The following FOXP1 variants were observed in gnomAD, a reference collection of about 807,000 sequenced individuals.
FOXP1 encodes the protein forkhead box protein P1.
A neutral mutation model predicts 98.2 loss-of-function variants in FOXP1; 15 were observed. The ratio of observed to expected loss-of-function variants is 0.15; its 90% CI spans 0.10 to 0.24. FOXP1 has a LOEUF of 0.24. FOXP1 is among the 10% of genes least tolerant of loss of function. The pLI is 1.00. For missense variants in FOXP1, 633 were observed against 848.5 expected (o/e 0.75, Z 3.15); for synonymous variants, 371 against 314.5 (o/e 1.18, Z -1.90).
At chr3:71,488,043 T>C (rs1307331336) in intron 3 of FOXP1, among the ~76,000 whole-genome samples, 1 of 152,194 alleles carries the variant, frequency 6.6e-6, no homozygotes, top group East Asian at 1.9e-4. Flanking sequence ...GGTTCTTTCT[T>C]TGAAGATATG....
intron 3 of FOXP1, among the ~76,000 whole-genome samples, chr3:71,394,108 C>T (rs749126113): frequency 6.6e-6 from 1 of 152,132 alleles, no homozygotes; most frequent in Non-Finnish European, 1.5e-5. Flanking sequence ...CTAAAAGAGC[C>T]CCAATTTCCA....
intron 13 of FOXP1, among the ~76,000 whole-genome samples, chr3:70,989,874 C>T (rs1205258077): frequency 2.6e-5 from 4 of 152,128 alleles, no homozygotes; most frequent in Non-Finnish European, 5.9e-5. Flanking sequence ...AAATCCAAAT[C>T]CTGGGCATTT....
At chr3:71,487,038 G>C (rs1293997356) in intron 3 of FOXP1, among the ~76,000 whole-genome samples, 1 of 152,092 alleles carries the variant, frequency 6.6e-6, no homozygotes, top group South Asian at 2.1e-4. Context: ...CCCAGAGAGT[G>C]AAAGTCTGGG....
intron 2 of FOXP1, among the ~76,000 whole-genome samples, chr3:71,542,589 G>A (rs749795053): frequency 4.6e-5 from 7 of 152,226 alleles, no homozygotes; most frequent in Non-Finnish European, 8.8e-5. Flanking sequence ...CTGTTAAGCC[G>A]CACAGACGAC....
intron 6 of FOXP1, among the ~76,000 whole-genome samples, chr3:71,131,370 C>T (rs1021555302): frequency 4.3e-5 from 5 of 115,076 alleles, no homozygotes; most frequent in African/African-American, 1.7e-4. Flanking sequence ...GCTTGAAAAA[C>T]AGGAGGAAGA....
chr3:71,284,351 G>A (rs2071882982), intron 5 of FOXP1, among the ~76,000 whole-genome samples: 1 of 152,106 alleles, frequency 6.6e-6, no homozygotes, highest in Admixed American at 6.5e-5. Flanking sequence ...GATCACTTGA[G>A]CCCAAGAGTT....
intron 2 of FOXP1, among the ~76,000 whole-genome samples, chr3:71,570,069 A>G (rs1028199513): frequency 6.6e-6 from 1 of 151,938 alleles, no homozygotes; most frequent in Admixed American, 6.5e-5. Flanking sequence ...TTCATGGACA[A>G]AGGCGTGGCT....
intron 7 of FOXP1, among the ~76,000 whole-genome samples, chr3:71,097,006 C>T (rs1240620966): frequency 6.6e-6 from 1 of 152,188 alleles, no homozygotes; most frequent in Non-Finnish European, 1.5e-5. Flanking sequence ...ATGCCTCTTC[C>T]TCCAAGCTGA....
intron 4 of FOXP1, among the ~76,000 whole-genome samples, chr3:71,345,367 G>A (rs927030891): frequency 6.6e-6 from 1 of 150,986 alleles, no homozygotes; most frequent in Non-Finnish European, 1.5e-5. Context: ...CAGCCTCAGT[G>A]ACAGAGAGAG....
chr3:71,474,488 C>G (rs1051444678), intron 3 of FOXP1, among the ~76,000 whole-genome samples: 3 of 152,182 alleles, frequency 2.0e-5, no homozygotes, highest in Non-Finnish European at 4.4e-5. Context: ...GGCTGCACAG[C>G]AGGAGGTCAG....
intron 3 of FOXP1, among the ~76,000 whole-genome samples, chr3:71,380,165 A>G (rs1217133981): frequency 6.6e-6 from 1 of 152,216 alleles, no homozygotes; most frequent in Non-Finnish European, 1.5e-5. Context: ...CTATGTAAAT[A>G]AGACTTCCAG....
rs918870223 is a variant in FOXP1 at position 71,104,364 on chromosome 3, G to T, written c.282+8172C>A. Among the ~76,000 whole-genome samples the T allele has an allele frequency of 4.3e-4, 65 of 152,266 alleles. No individual in the cohort carries two copies. In the East Asian group the frequency reaches 5.6e-3, roughly 13 times the overall value. ...ATAGGCTTGATAGCAAGACCTCATTGTGGGATCACAGCCTATCCAAGAAGA... is the reference window on the plus strand; with the variant it reads ...ATAGGCTTGATAGCAAGACCTCATTTTGGGATCACAGCCTATCCAAGAAGA... On this transcript the variant is annotated intron_variant, in intron 7 of 20. Coordinates refer to ENST00000649528, the MANE Select transcript of FOXP1 (RefSeq NM_001349338.3).
intron 7 of FOXP1, among the ~76,000 whole-genome samples, chr3:71,105,884 G>A (rs528831301): frequency 6.6e-6 from 1 of 152,194 alleles, no homozygotes; most frequent in Non-Finnish European, 1.5e-5. Flanking sequence ...ACTGATTTTT[G>A]TTGGTTTCAG....
At chr3:71,356,387 C>A (rs1176509381) in intron 4 of FOXP1, among the ~76,000 whole-genome samples, 1 of 151,978 alleles carries the variant, frequency 6.6e-6, no homozygotes, top group African/African-American at 2.4e-5. Flanking sequence ...GCTGTACTTG[C>A]ATTTACAAGG....
chr3:71,220,800 G>A (rs1466026387), intron 5 of FOXP1, among the ~76,000 whole-genome samples: 1 of 127,124 alleles, frequency 7.9e-6, no homozygotes, highest in African/African-American at 3.2e-5. Flanking sequence ...AAGATTATGA[G>A]GAGAAAAGAA....
intron 3 of FOXP1, among the ~76,000 whole-genome samples, chr3:71,423,464 G>A (rs1449026914): frequency 2.0e-5 from 3 of 152,206 alleles, no homozygotes; most frequent in Admixed American, 6.5e-5. Flanking sequence ...TCCTAAAGGC[G>A]TGTCCTCTGT....
In FOXP1 at chr3:71,130,594, G is replaced by A. The variant is rs201545545; in HGVS notation, c.181-17957C>T. The stretch of plus-strand genomic sequence containing the variant: ...TGGGTTCTGGCTGTTTCTGCGAAGC[G>A]GGGGTTGCCGAGTGGTAAAAAAGAT... On this transcript the variant is annotated intron_variant, in intron 6 of 20. Transcript: ENST00000649528. The A allele has an allele frequency of 1.2e-3, 1,965 of 1,598,386 alleles. 2 individuals carry two copies. The highest frequency in any genetic ancestry group is 1.5e-3 in the Non-Finnish European group (1,815 of 1,179,772).
At chr3:71,193,886 C>G (rs1163169816) in intron 6 of FOXP1, among the ~76,000 whole-genome samples, 1 of 152,178 alleles carries the variant, frequency 6.6e-6, no homozygotes, top group African/African-American at 2.4e-5. Context: ...CCCGATGGGT[C>G]CTCTTTACTC....
chr3:71,234,016 C>T (rs905480171), intron 5 of FOXP1, among the ~76,000 whole-genome samples: 7 of 152,128 alleles, frequency 4.6e-5, no homozygotes, highest in African/African-American at 1.7e-4. Flanking sequence ...ATACAACCCA[C>T]ACTGACCTTT....
Sources: allele counts gnomAD v4.1 joint callset (sites outside exome capture counted in the v4.1 genomes callset), GRCh38; gene constraint gnomAD v4.1.1; transcripts MANE v1.5; gene names NCBI Gene and HGNC (gene_info 2026-07-23, HGNC 2026-07-21).